C6orf89: variants seen among roughly 807,000 people sequenced by gnomAD.
The protein encoded by C6orf89 is chromosome 6 open reading frame 89.
A neutral mutation model predicts 40.7 loss-of-function variants in C6orf89; 29 were observed. That is an observed-to-expected ratio of 0.71 (90% CI 0.53 to 0.97). The LOEUF is 0.97. Among genes scored for constraint, C6orf89 ranks in the 50% least tolerant of loss-of-function variants. The pLI is 0.00. For synonymous variants in C6orf89, 165 were observed against 152.2 expected, an observed-to-expected ratio of 1.08 and a Z score of -0.62; for missense variants, 392 against 429.1, an observed-to-expected ratio of 0.91 and a Z score of 0.76.
At chr6:36,910,380 T>C (rs2150704910) in intron 4 of C6orf89, among the ~76,000 whole-genome samples, 3 of 152,336 alleles carry the variant, frequency 2.0e-5, no homozygotes, top group Middle Eastern at 6.8e-3. Context: ...TGGTCACTTG[T>C]CCCAATTTGA....
At chr6:36,913,006 C>G (rs935594326) in intron 4 of C6orf89, among the ~76,000 whole-genome samples, 3 of 152,282 alleles carry the variant, frequency 2.0e-5, no homozygotes, top group African/African-American at 7.2e-5. Flanking sequence ...ATTTGGTTTC[C>G]ATTGGGTTTT....
At chr6:36,912,964 G>T (rs952811009) in intron 4 of C6orf89, among the ~76,000 whole-genome samples, 2 of 152,198 alleles carry the variant, frequency 1.3e-5, no homozygotes, top group Non-Finnish European at 1.5e-5. Context: ...ACATTTGGTT[G>T]TCTGTTATCA....
rs766704612 is a variant in C6orf89 at position 36,919,537 on chromosome 6, C to A, written c.826-41C>A. ...AAACCCCCTGGTTTTATTTCGTTTT[C>A]TTTGCCTTCCTTTTCCTCCCCTCCT... On this transcript the variant is annotated intron_variant, in intron 7 of 8. Transcript: ENST00000480824. 10 of 1,588,550 alleles carry A rather than the reference C, an allele frequency of 6.3e-6. No homozygotes were observed. The East Asian group carries it at 2.0e-4, about 32-fold the overall frequency.
At position 36,928,891 on chromosome 6, in the gene C6orf89, G is replaced by GT. The variant is rs1561885180; in HGVS notation, c.*5450_*5451insT. The GT allele has an allele frequency of 8.5e-5, 13 of 152,366 alleles. 1 individual carries two copies. The highest frequency in any genetic ancestry group is 7.2e-4 in the Admixed American group (11 of 15,306). The allele number at this position is 152,366 out of a possible 1,614,324, so 9.4% of individuals were successfully genotyped here. Reference sequence around the variant, plus strand: ...CTGGTAAAGACTTCCACCATGTGAAGAATGTATGTAAATTAAAGTTTATTG... The same window carrying GT: ...CTGGTAAAGACTTCCACCATGTGAAGTAATGTATGTAAATTAAAGTTTATTG... On this transcript the variant is annotated 3_prime_UTR_variant, in exon 9 of 9. Coordinates refer to ENST00000480824, the MANE Select transcript of C6orf89 (RefSeq NM_001286635.2).
At chr6:36,907,512 A>G (rs1439123730) in intron 4 of C6orf89, among the ~76,000 whole-genome samples, 2 of 152,158 alleles carry the variant, frequency 1.3e-5, no homozygotes, top group Non-Finnish European at 2.9e-5. Context: ...GTGGATAGTT[A>G]TGGTCTCTGC....
At chr6:36,874,432 G>A (rs1051330309) in intron 1 of C6orf89, among the ~76,000 whole-genome samples, 1 of 152,170 alleles carries the variant, frequency 6.6e-6, no homozygotes, top group Non-Finnish European at 1.5e-5. Flanking sequence ...CCTGGCTTGC[G>A]GACTCATTAC....
chr6:36,903,407 A>C (rs7761653), intron 4 of C6orf89, among the ~76,000 whole-genome samples: 37,889 of 152,150 alleles, frequency 0.25, 5,008 homozygotes, highest in East Asian at 0.32. Context: ...TGTGTCTTAA[A>C]TTTTAGGAAA....
chr6:36,916,890 G>A (rs1762342649), intron 7 of C6orf89, among the ~76,000 whole-genome samples: 1 of 152,242 alleles, frequency 6.6e-6, no homozygotes. Flanking sequence ...GGTGCAATTA[G>A]TCTGGCTTTC....
At chr6:36,881,900 A>G (rs1774822834), upstream of C6orf89, among the ~76,000 whole-genome samples, 1 of 152,218 alleles carries the variant, frequency 6.6e-6, no homozygotes. Flanking sequence ...AAACTAATTA[A>G]AACTGAATAG....
intron 4 of C6orf89, among the ~76,000 whole-genome samples, chr6:36,913,503 C>A (rs1762197796): frequency 6.6e-6 from 1 of 152,204 alleles, no homozygotes; most frequent in African/African-American, 2.4e-5. Flanking sequence ...GGTCTATGCA[C>A]ACATCCAGCA....
intron 4 of C6orf89, among the ~76,000 whole-genome samples, chr6:36,911,439 G>A (rs1221457770): frequency 6.6e-6 from 1 of 151,860 alleles, no homozygotes; most frequent in African/African-American, 2.4e-5. Flanking sequence ...GCAGTGAGCC[G>A]AGATCGCGCC....
At chr6:36,872,754 T>G (rs1443000895) in intron 1 of C6orf89, among the ~76,000 whole-genome samples, 2 of 152,164 alleles carry the variant, frequency 1.3e-5, no homozygotes, top group Non-Finnish European at 2.9e-5. Flanking sequence ...ACTACAGGCA[T>G]GCATCACCAA....
At chr6:36,899,069 A>T (rs1218751045) in intron 2 of C6orf89, among the ~76,000 whole-genome samples, 1 of 152,162 alleles carries the variant, frequency 6.6e-6, no homozygotes, top group Non-Finnish European at 1.5e-5. Flanking sequence ...AGGAATCTCC[A>T]GTAGCAGATC....
upstream of C6orf89, among the ~76,000 whole-genome samples, chr6:36,882,734 C>CTTTTT (rs1178360256): frequency 1.1e-4 from 5 of 46,332 alleles, no homozygotes; most frequent in Non-Finnish European, 2.3e-4. Flanking sequence ...TTTCTTTTTT[C>CTTTTT]TTTTTTTTTT....
chr6:36,913,591 G>A (rs1005406187), intron 4 of C6orf89, among the ~76,000 whole-genome samples: 21 of 152,326 alleles, frequency 1.4e-4, no homozygotes, highest in African/African-American at 5.0e-4. Flanking sequence ...TGCTGTAGAC[G>A]TTTCAGCCAT....
intron 1 of C6orf89, among the ~76,000 whole-genome samples, chr6:36,876,724 C>CAAAAAAA (rs71540176): frequency 1.6e-4 from 15 of 92,148 alleles, no homozygotes; most frequent in African/African-American, 2.9e-4. Context: ...AACTCCATCT[C>CAAAAAAA]AAAAAAAAAA....
chr6:36,916,375 T>A, intron 6 of C6orf89, 70 bp from the exon 7 acceptor site: 3 of 1,591,072 alleles, frequency 1.9e-6, no homozygotes, highest in Non-Finnish European at 2.6e-6. Flanking sequence ...CCACCCTTAC[T>A]TGGCTCTCTC....
chr6:36,881,515 A>T (rs1774806948), upstream of C6orf89, among the ~76,000 whole-genome samples: 1 of 152,204 alleles, frequency 6.6e-6, no homozygotes, highest in African/African-American at 2.4e-5. Context: ...TCTACTAAAC[A>T]TACAAAAAAT....
intron 4 of C6orf89, among the ~76,000 whole-genome samples, chr6:36,908,507 C>G (rs1470140055): frequency 1.3e-5 from 2 of 152,160 alleles, no homozygotes; most frequent in Admixed American, 6.5e-5. Context: ...TTTAACTTTT[C>G]TACTCAAGCA....
Sources: gnomAD v4.1 joint callset for allele counts (sites outside exome capture counted in the v4.1 genomes callset) on GRCh38, gnomAD v4.1.1 for gene constraint, MANE v1.5 for transcripts, NCBI Gene and HGNC (gene_info 2026-07-23, HGNC 2026-07-21) for gene names.